Variants in SNRNP48 observed in about 807,000 individuals in gnomAD.
The protein encoded by SNRNP48 is small nuclear ribonucleoprotein U11/U12 subunit 48.
Under a neutral mutation model 47.0 loss-of-function variants are expected in SNRNP48, and 43 were observed. The ratio of observed to expected loss-of-function variants is 0.92; its 90% CI spans 0.72 to 1.18. The LOEUF (loss-of-function observed/expected upper bound fraction) is 1.18, where lower values mean the gene tolerates loss of function less well. Among genes scored for constraint, SNRNP48 ranks in the 50% most tolerant of loss-of-function variants. SNRNP48 has a pLI of 0.00. For synonymous variants in SNRNP48, 138 were observed against 144.0 expected (o/e 0.96, Z 0.30); for missense variants, 396 against 422.2 (o/e 0.94, Z 0.54).
At chr6:7,594,182 T>C in intron 3 of SNRNP48, 23 bp downstream of exon 3, 1 of 1,140,856 alleles carries the variant, frequency 8.8e-7, no homozygotes, top group Non-Finnish European at 1.2e-6. Flanking sequence ...TTATTATAAT[T>C]TAAAAATATC....
chr6:7,597,865 CTTTTTT>C (rs148304945), intron 4 of SNRNP48, among the ~76,000 whole-genome samples: 1 of 123,406 alleles, frequency 8.1e-6, no homozygotes. Flanking sequence ...TAACCGTAAC[CTTTTTT>C]TTTTTTTTTT....
intron 4 of SNRNP48, among the ~76,000 whole-genome samples, chr6:7,598,964 T>G (rs1474179234): frequency 6.6e-6 from 1 of 152,206 alleles, no homozygotes; most frequent in Non-Finnish European, 1.5e-5. Flanking sequence ...ATATTCAGGT[T>G]GTATACTTCA....
chr6:7,596,726 ACT>A (rs1236901927), intron 4 of SNRNP48, among the ~76,000 whole-genome samples: 3 of 151,956 alleles, frequency 2.0e-5, no homozygotes, highest in Non-Finnish European at 4.4e-5. Context: ...GAGACAGTTG[ACT>A]CTCATTTTAT....
chr6:7,591,735 A>G (rs1017093212), intron 1 of SNRNP48, among the ~76,000 whole-genome samples: 4 of 152,216 alleles, frequency 2.6e-5, no homozygotes, highest in East Asian at 1.9e-4. Flanking sequence ...AAATAACCCT[A>G]TGAGGTAGGT....
At chr6:7,605,046 G>A (rs914310512) in intron 6 of SNRNP48, among the ~76,000 whole-genome samples, 4 of 151,394 alleles carry the variant, frequency 2.6e-5, no homozygotes, top group Admixed American at 6.6e-5. Context: ...TCACTCTCTC[G>A]ATCTCGATCT....
At chr6:7,607,095 A>T (rs1760142291) in intron 8 of SNRNP48, among the ~76,000 whole-genome samples, 1 of 152,158 alleles carries the variant, frequency 6.6e-6, no homozygotes, top group South Asian at 2.1e-4. Flanking sequence ...GAGGCAGGTG[A>T]TCACTTGAGC....
chr6:7,595,451 T>G (rs1759887514), intron 4 of SNRNP48, among the ~76,000 whole-genome samples: 1 of 152,246 alleles, frequency 6.6e-6, no homozygotes, highest in African/African-American at 2.4e-5. Flanking sequence ...TTTTTCAATT[T>G]TATGGTGTTG....
intron 8 of SNRNP48, among the ~76,000 whole-genome samples, chr6:7,607,066 C>A (rs1432800279): frequency 6.6e-6 from 1 of 152,196 alleles, no homozygotes; most frequent in African/African-American, 2.4e-5. Flanking sequence ...TGCCTATAAT[C>A]CCTACACTGT....
intron 4 of SNRNP48, chr6:7,600,272 G>A (rs1402250992): frequency 1.1e-6 from 1 of 887,266 alleles, no homozygotes; most frequent in Non-Finnish European, 1.4e-6. Flanking sequence ...TTGTTGTAAT[G>A]CTTAGTTCAT....
chr6:7,598,355 C>T (rs918017907), intron 4 of SNRNP48, among the ~76,000 whole-genome samples: 26 of 151,828 alleles, frequency 1.7e-4, no homozygotes, highest in Admixed American at 2.6e-4. Flanking sequence ...ATTAGCCAGG[C>T]GCTATGGTGC....
In SNRNP48 at chr6:7,594,175, T is replaced by C. The variant is rs774182584; in HGVS notation, c.331+16T>C. On this transcript the variant is annotated intron_variant, in intron 3 of 8. Coordinates refer to ENST00000342415, the MANE Select transcript of SNRNP48 (RefSeq NM_152551.4). Reference sequence around the variant, plus strand: ...ATTACTTTGAGTAAGTATTAAGTTATTATAATTTAAAAATATCTTAGTGTA... The same window carrying C: ...ATTACTTTGAGTAAGTATTAAGTTACTATAATTTAAAAATATCTTAGTGTA... 1.8e-5 allele frequency: 22 copies of C among 1,204,528 alleles called. No individual in the cohort carries two copies. Among genetic ancestry groups the C allele is most frequent in the East Asian group, 1.3e-4 (5 of 37,100 alleles). The allele number at this position is 1,204,528 out of a possible 1,614,324, so 74.6% of individuals were successfully genotyped here. A position where few individuals can be genotyped will look rare whatever the true frequency, so the allele number is the denominator to read the frequency against.
At chr6:7,600,021 T>G in intron 4 of SNRNP48, 4 of 1,007,408 alleles carry the variant, frequency 4.0e-6, no homozygotes, top group Non-Finnish European at 4.8e-6. Flanking sequence ...CCCAAATTTT[T>G]ATAGCCTAAT....
Position 7,599,328 on chromosome 6 carries a change from G to A in SNRNP48, c.407-2008G>A, listed in dbSNP as rs76806723. 3.5e-3 allele frequency among the ~76,000 whole-genome samples: 539 copies of A among 152,188 alleles called. 4 individuals carry two copies. Among genetic ancestry groups the A allele is most frequent in the African/African-American group, 0.012 (508 of 41,530 alleles). On this transcript the variant is annotated intron_variant, in intron 4 of 8. Transcript: ENST00000342415. ...GATTAGAGTTTCAATTTGGGGTGAC[G>A]AAAAAGTTCTAGAGATGGATAGAGG...
At chr6:7,608,429 C>T (rs1000601826) in intron 8 of SNRNP48, among the ~76,000 whole-genome samples, 24 of 151,994 alleles carry the variant, frequency 1.6e-4, no homozygotes, top group Admixed American at 1.2e-3. Flanking sequence ...TGGTGGTTCG[C>T]GCCTGAAATC....
At chr6:7,598,849 A>G (rs189335879) in intron 4 of SNRNP48, among the ~76,000 whole-genome samples, 14 of 152,330 alleles carry the variant, frequency 9.2e-5, no homozygotes, top group African/African-American at 2.9e-4. Context: ...CAATCTATAT[A>G]CTTATTTTCA....
At chr6:7,599,563 T>C in intron 4 of SNRNP48, 1 of 549,544 alleles carries the variant, frequency 1.8e-6, no homozygotes, top group East Asian at 7.3e-5. Flanking sequence ...TTTATGTAAA[T>C]GTAAGTTTAT....
chr6:7,601,662 G>A, intron 5 of SNRNP48, 138 bp downstream of exon 5: 1 of 835,698 alleles, frequency 1.2e-6, no homozygotes, highest in Non-Finnish European at 1.7e-6. Context: ...CATGAAGTTG[G>A]CCCTCTGTGT....
chr6:7,599,032 G>T (rs1759962380), intron 4 of SNRNP48, among the ~76,000 whole-genome samples: 1 of 152,120 alleles, frequency 6.6e-6, no homozygotes, highest in Admixed American at 6.5e-5. Flanking sequence ...TACTATCAAA[G>T]AAACTTAAAA....
intron 8 of SNRNP48, among the ~76,000 whole-genome samples, chr6:7,606,842 T>A (rs1156521826): frequency 6.6e-6 from 1 of 152,248 alleles, no homozygotes; most frequent in Non-Finnish European, 1.5e-5. Flanking sequence ...GAGATGACTC[T>A]CATCTATTAA....
Sources: allele counts gnomAD v4.1 joint callset (sites outside exome capture counted in the v4.1 genomes callset), GRCh38; gene constraint gnomAD v4.1.1; transcripts MANE v1.5; gene names NCBI Gene and HGNC (gene_info 2026-07-23, HGNC 2026-07-21).